Variants in TASP1 observed in about 807,000 individuals in gnomAD.
The protein encoded by TASP1 is threonine aspartase 1.
A neutral mutation model predicts 56.6 loss-of-function variants in TASP1; 16 were observed. The ratio of observed to expected loss-of-function variants is 0.28; its 90% confidence interval spans 0.19 to 0.43. The LOEUF (loss-of-function observed/expected upper bound fraction) is 0.43. Among genes scored for constraint, TASP1 ranks in the 20% least tolerant of loss-of-function variants. The pLI is 1.00. For missense variants in TASP1, 393 were observed against 511.6 expected (o/e 0.77, Z 2.24); for synonymous variants, 179 against 184.2 (o/e 0.97, Z 0.23).
chr20:13,393,358 A>G (rs1461667486), intron 13 of TASP1: 5 of 747,088 alleles, frequency 6.7e-6, no homozygotes, highest in African/African-American at 3.4e-5. Context: ...AGGAAGCTCA[A>G]TGGCATGGCC....
intron 9 of TASP1, among the ~76,000 whole-genome samples, chr20:13,533,787 G>C (rs2073323): frequency 0.24 from 37,096 of 152,012 alleles, 4,637 homozygotes; most frequent in Middle Eastern, 0.3. Flanking sequence ...CTGCTGAAAG[G>C]AGAAAAACTA....
At chr20:13,124,638 G>T in the TASP1 span, among the ~76,000 whole-genome samples, 4 of 152,168 alleles carry the variant, frequency 2.6e-5, no homozygotes, top group Non-Finnish European at 5.9e-5. Context: ...ACATCCCTTG[G>T]TTCCCCTCAT....
chr20:13,393,415 G>A (rs1303742278), intron 13 of TASP1: 16 of 762,018 alleles, frequency 2.1e-5, no homozygotes, highest in South Asian at 4.2e-5. Context: ...CTGACCTACC[G>A]TCTGGAGAAA....
chr20:13,142,243 C>A, the TASP1 span, among the ~76,000 whole-genome samples: 4 of 152,288 alleles, frequency 2.6e-5, no homozygotes, highest in South Asian at 8.3e-4. Context: ...ATAGTGCAGC[C>A]ACTTCCTTCC....
intron 13 of TASP1, among the ~76,000 whole-genome samples, chr20:13,415,447 T>C (rs1383064284): frequency 6.7e-6 from 1 of 149,828 alleles, no homozygotes; most frequent in African/African-American, 2.4e-5. Context: ...GGGTTTTCTT[T>C]TTTTTTTTTT....
At chr20:13,574,156 C>A (rs759306160) in intron 6 of TASP1, among the ~76,000 whole-genome samples, 11 of 151,592 alleles carry the variant, frequency 7.3e-5, no homozygotes, top group Non-Finnish European at 1.6e-4. Context: ...CAAGTTCAGA[C>A]AGCCAGGAAC....
At chr20:13,224,988 G>T in the TASP1 span, among the ~76,000 whole-genome samples, 1 of 151,264 alleles carries the variant, frequency 6.6e-6, no homozygotes, top group African/African-American at 2.4e-5. Flanking sequence ...TGGGACTACA[G>T]GCGCCTGCCA....
At chr20:13,615,770 T>G (rs867814096) in intron 4 of TASP1, among the ~76,000 whole-genome samples, 2 of 152,128 alleles carry the variant, frequency 1.3e-5, no homozygotes, top group Non-Finnish European at 1.5e-5. Context: ...CCCAAAGTGC[T>G]GGGATTACAG....
In TASP1 at chr20:13,472,315, C is replaced by T. The variant is rs190695872; in HGVS notation, c.985+10912G>A. Reference sequence around the variant, plus strand: ...GCTGAAACTGGATCCCCTCTTTACACCTTATACAAAAATTAATTTGAGATG... The same window carrying T: ...GCTGAAACTGGATCCCCTCTTTACATCTTATACAAAAATTAATTTGAGATG... On this transcript the variant is annotated intron_variant, in intron 11 of 13. Coordinates refer to ENST00000337743, the MANE Select transcript of TASP1 (RefSeq NM_017714.3). Among the ~76,000 whole-genome samples, 55 of 151,060 alleles carry T rather than the reference C, an allele frequency of 3.6e-4. 2 individuals carry two copies. The highest frequency in any genetic ancestry group is 1.3e-3 in the African/African-American group (54 of 40,896).
At chr20:13,231,691 A>G in the TASP1 span, among the ~76,000 whole-genome samples, 12 of 152,194 alleles carry the variant, frequency 7.9e-5, no homozygotes, top group African/African-American at 1.4e-4. Context: ...TGCACAGAGC[A>G]CTCTCTATGG....
chr20:13,567,962 C>T (rs1310731799), intron 7 of TASP1, among the ~76,000 whole-genome samples: 2 of 152,092 alleles, frequency 1.3e-5, no homozygotes, highest in African/African-American at 4.8e-5. Context: ...GACAGATGAC[C>T]TAATTTGTTT....
chr20:13,369,321 C>G, the TASP1 span, among the ~76,000 whole-genome samples: 1 of 152,168 alleles, frequency 6.6e-6, no homozygotes, highest in Non-Finnish European at 1.5e-5. Context: ...TGGCACATGC[C>G]TATAATTCCA....
chr20:13,358,365 C>T, the TASP1 span, among the ~76,000 whole-genome samples: 102 of 152,236 alleles, frequency 6.7e-4, no homozygotes, highest in Admixed American at 1.3e-4. Context: ...GGGGACCTCC[C>T]TTGGGAGATC....
the TASP1 span, among the ~76,000 whole-genome samples, chr20:13,152,065 C>T: frequency 6.6e-6 from 1 of 152,146 alleles, no homozygotes; most frequent in African/African-American, 2.4e-5. Flanking sequence ...CCAATGACCA[C>T]CATCCCTTAC....
chr20:13,542,052 A>C (rs1462405415), intron 8 of TASP1, among the ~76,000 whole-genome samples: 1 of 151,938 alleles, frequency 6.6e-6, no homozygotes, highest in Non-Finnish European at 1.5e-5. Context: ...CTCCAAAAAA[A>C]AAAAAAAAAA....
intron 4 of TASP1, among the ~76,000 whole-genome samples, chr20:13,604,868 TTAAAG>T (rs1160466132): frequency 6.6e-6 from 1 of 152,006 alleles, no homozygotes; most frequent in African/African-American, 2.4e-5. Context: ...GCAGTTTTCT[TTAAAG>T]TTAACCATAC....
chr20:13,607,388 T>A (rs1306014190), intron 4 of TASP1, among the ~76,000 whole-genome samples: 1 of 152,190 alleles, frequency 6.6e-6, no homozygotes, highest in East Asian at 1.9e-4. Context: ...CCATTTAATG[T>A]CCTTTGCTGA....
intron 5 of TASP1, among the ~76,000 whole-genome samples, 169 bp from the exon 6 acceptor site, chr20:13,581,150 G>A (rs1201146392): frequency 6.6e-6 from 1 of 152,034 alleles, no homozygotes; most frequent in Non-Finnish European, 1.5e-5. Flanking sequence ...AGCAATAAGA[G>A]TTAAATCAAA....
At chr20:13,338,713 G>GTGC in the TASP1 span, among the ~76,000 whole-genome samples, 6,183 of 152,248 alleles carry the variant, frequency 0.041, 182 homozygotes, top group Non-Finnish European at 0.063. Flanking sequence ...TCTTGGACTT[G>GTGC]CTTGAATTTA....
Sources: gnomAD v4.1 joint callset for allele counts (sites outside exome capture counted in the v4.1 genomes callset) on GRCh38, gnomAD v4.1.1 for gene constraint, MANE v1.5 for transcripts, NCBI Gene and HGNC (gene_info 2026-07-23, HGNC 2026-07-21) for gene names.